The following CHSY1 variants were observed in gnomAD, a reference collection of about 807,000 sequenced individuals.
CHSY1 encodes chondroitin sulfate synthase 1, also known as N-acetylgalactosaminyl-proteoglycan 3-beta-glucuronosyltransferase 1.
CHSY1 carries 13 observed loss-of-function variants against 59.8 expected under a neutral mutation model. That is an observed-to-expected ratio of 0.22 (90% CI 0.14 to 0.35). The LOEUF (loss-of-function observed/expected upper bound fraction) is 0.35, where lower values mean the gene tolerates loss of function less well. Ranked by LOEUF, CHSY1 falls within the 10% of genes least tolerant of loss-of-function variation. The pLI, the probability that CHSY1 is intolerant of heterozygous loss-of-function variation, is 1.00. For synonymous variants in CHSY1, 459 were observed against 401.2 expected (o/e 1.14, Z -1.72); for missense variants, 947 against 1,030.6 (o/e 0.92, Z 1.11).
chr15:101,231,304 T>C (rs539814887), intron 2 of CHSY1, among the ~76,000 whole-genome samples: 19 of 152,278 alleles, frequency 1.2e-4, no homozygotes, highest in South Asian at 4.1e-4. Context: ...TTCCAAGACA[T>C]AGATGGTAGG....
intron 2 of CHSY1, among the ~76,000 whole-genome samples, chr15:101,180,325 A>G (rs910369483): frequency 2.6e-5 from 4 of 152,216 alleles, no homozygotes; most frequent in African/African-American, 7.2e-5. Context: ...GAGCAGAATT[A>G]CAGGTCCTCC....
At chr15:101,187,846 C>T (rs1567089002) in intron 2 of CHSY1, 1 of 181,342 alleles carries the variant, frequency 5.5e-6, no homozygotes, top group Admixed American at 6.5e-5. Flanking sequence ...AAGCCATCTC[C>T]CTTCCTGTGA....
At chr15:101,179,369 T>G (rs1391155952) in intron 2 of CHSY1, among the ~76,000 whole-genome samples, 1 of 152,170 alleles carries the variant, frequency 6.6e-6, no homozygotes. Context: ...AAGACCTGAA[T>G]AGCAGATCCT....
rs565212599 is a variant in CHSY1 at position 101,216,298 on chromosome 15, A to G, written c.816+18784T>C. Among the ~76,000 whole-genome samples the G allele has an allele frequency of 3.9e-5, 6 of 152,362 alleles. No individual in the cohort carries two copies. In the East Asian group the frequency reaches 1.2e-3, roughly 29 times the overall value. On this transcript the variant is annotated intron_variant, in intron 2 of 2. Transcript: ENST00000254190. ...GAGCTCTTGTTCATTGCAGCTGGGA[A>G]TGCAAAATGCTACAGACACTCTGGA...
At chr15:101,216,684 G>A (rs950089414) in intron 2 of CHSY1, among the ~76,000 whole-genome samples, 23 of 141,368 alleles carry the variant, frequency 1.6e-4, no homozygotes, top group Middle Eastern at 3.5e-3. Flanking sequence ...GCAAAACTAC[G>A]GAGACAGTAA....
chr15:101,243,762 G>C (rs1280956919), intron 1 of CHSY1, among the ~76,000 whole-genome samples: 1 of 152,224 alleles, frequency 6.6e-6, no homozygotes, highest in East Asian at 1.9e-4. Context: ...GCAGTGCTTG[G>C]GCTGGATTTA....
At chr15:101,250,921 C>A (rs2039102023) in intron 1 of CHSY1, among the ~76,000 whole-genome samples, 2 of 152,206 alleles carry the variant, frequency 1.3e-5, no homozygotes, top group Admixed American at 1.3e-4. Flanking sequence ...ACTAGTCCAT[C>A]TGACCCCAAA....
At chr15:101,235,007 C>T in intron 2 of CHSY1, 75 bp downstream of exon 2, 1 of 1,565,634 alleles carries the variant, frequency 6.4e-7, no homozygotes, top group Non-Finnish European at 8.7e-7. Context: ...TCTCTAGTTT[C>T]CTATGATACG....
At chr15:101,234,179 T>C (rs931676992) in intron 2 of CHSY1, among the ~76,000 whole-genome samples, 5 of 152,234 alleles carry the variant, frequency 3.3e-5, no homozygotes, top group South Asian at 2.1e-4. Context: ...TTCATTTATG[T>C]GTCACGGTAA....
At chr15:101,239,470 T>C (rs1433074830) in intron 1 of CHSY1, among the ~76,000 whole-genome samples, 3 of 152,240 alleles carry the variant, frequency 2.0e-5, no homozygotes, top group African/African-American at 4.8e-5. Flanking sequence ...CCAGCTCCAC[T>C]TGGGACAAGT....
intron 2 of CHSY1, among the ~76,000 whole-genome samples, chr15:101,202,625 C>T (rs2038585326): frequency 1.3e-5 from 2 of 151,528 alleles, no homozygotes; most frequent in Admixed American, 1.3e-4. Context: ...ATCTCAGACA[C>T]AGCAGAGGCT....
At chr15:101,204,040 C>A (rs1008142061) in intron 2 of CHSY1, among the ~76,000 whole-genome samples, 1 of 152,118 alleles carries the variant, frequency 6.6e-6, no homozygotes, top group Admixed American at 6.5e-5. Context: ...TTGATTACTG[C>A]GTTGTGTTTA....
At chr15:101,205,159 T>C (rs1366633169) in intron 2 of CHSY1, among the ~76,000 whole-genome samples, 1 of 152,180 alleles carries the variant, frequency 6.6e-6, no homozygotes. Flanking sequence ...TTTTCTTTTT[T>C]TAAAGTAATC....
At chr15:101,225,564 G>A (rs1282742912) in intron 2 of CHSY1, among the ~76,000 whole-genome samples, 1 of 152,088 alleles carries the variant, frequency 6.6e-6, no homozygotes, top group Non-Finnish European at 1.5e-5. Context: ...CCTCCTAACA[G>A]TGAGTTAGTT....
At chr15:101,208,363 G>GA (rs2038648449) in intron 2 of CHSY1, among the ~76,000 whole-genome samples, 2 of 152,126 alleles carry the variant, frequency 1.3e-5, no homozygotes, top group Admixed American at 6.5e-5. Flanking sequence ...ATAACAGCCT[G>GA]AAACATCTTA....
In CHSY1 at chr15:101,177,561, G is replaced by A. The variant is rs764567598; in HGVS notation, c.2236C>T (p.His746Tyr). ...TTGGGATCACAAAAGACAGGATGGT[G>A]GACGTGGACTACTCCTACTTCCTGG... Reference protein sequence around the residue: ...RSQEVGVVHVHHPVFCDPNLD... With the variant: ...RSQEVGVVHVYHPVFCDPNLD... The change falls in exon 3 of 3, where the codon CAC (histidine) becomes TAC (tyrosine). Residue 746 changes from histidine to tyrosine, a missense_variant. By Grantham distance (83) the His-to-Tyr change is moderately conservative. Around this residue, in one of 4 missense-constraint regions of CHSY1, gnomAD observed 602 missense variants for 676.9 expected, o/e 0.89. Coordinates refer to ENST00000254190, the MANE Select transcript of CHSY1 (RefSeq NM_014918.5). 1.9e-6 allele frequency: 3 copies of A among 1,613,952 alleles called. No homozygotes were observed. Among genetic ancestry groups the A allele is most frequent in the East Asian group, 4.5e-5 (2 of 44,890 alleles).
At chr15:101,186,586 T>TTTGTGGGGC (rs2038368877) in intron 2 of CHSY1, 2 of 152,112 alleles carry the variant, frequency 1.3e-5, no homozygotes, top group African/African-American at 4.8e-5. Context: ...GGAGGACTGC[T>TTTGTGGGGC]TGAGCCCAGG....
chr15:101,210,329 C>G (rs1191876949), intron 2 of CHSY1, among the ~76,000 whole-genome samples: 1 of 152,200 alleles, frequency 6.6e-6, no homozygotes, highest in African/African-American at 2.4e-5. Context: ...ACATAAACCT[C>G]TTAAGACTTT....
At chr15:101,205,055 A>G (rs564680416) in intron 2 of CHSY1, among the ~76,000 whole-genome samples, 1 of 152,356 alleles carries the variant, frequency 6.6e-6, no homozygotes, top group Non-Finnish European at 1.5e-5. Flanking sequence ...CAGCTCTTTA[A>G]CTACTCAGAG....
Sources: gnomAD v4.1 joint callset for allele counts (sites outside exome capture counted in the v4.1 genomes callset) on GRCh38, gnomAD v4.1.1 for gene constraint, gnomAD v4.1.1 regional missense constraint, MANE v1.5 for transcripts, NCBI Gene and HGNC (gene_info 2026-07-23, HGNC 2026-07-21) for gene names.